Variants in USP33 observed in about 807,000 individuals in gnomAD.
USP33 encodes the protein ubiquitin specific peptidase 33.
USP33 carries 46 observed loss-of-function variants against 124.2 expected under a neutral mutation model. The ratio of observed to expected loss-of-function variants is 0.37; its 90% confidence interval spans 0.29 to 0.47. The LOEUF is 0.47. Ranked by LOEUF, USP33 falls within the 20% of genes least tolerant of loss-of-function variation. The probability of loss-of-function intolerance (pLI) is 0.99; values close to 1 mark genes in which losing one functional copy is unlikely to be tolerated. For missense variants in USP33, 851 were observed against 1,070.6 expected (o/e 0.79, Z 2.86); for synonymous variants, 350 against 352.3 (o/e 0.99, Z 0.07).
intron 1 of USP33, 135 bp from the exon 2 acceptor site, chr1:77,741,883 C>A: frequency 2.3e-6 from 2 of 879,552 alleles, no homozygotes; most frequent in Admixed American, 3.8e-5. Context: ...TATAAGTTTG[C>A]CCTGTAAAAA....
chr1:77,733,703 C>T (rs1678106531), intron 7 of USP33, among the ~76,000 whole-genome samples: 1 of 152,096 alleles, frequency 6.6e-6, no homozygotes, highest in African/African-American at 2.4e-5. Flanking sequence ...GAAAGCTCAA[C>T]CAGTAAGCAT....
chr1:77,741,257 TA>T, intron 3 of USP33, 118 bp downstream of exon 3: 1 of 1,002,952 alleles, frequency 1.0e-6, no homozygotes, highest in Non-Finnish European at 1.4e-6. Flanking sequence ...AATGACCTTT[TA>T]AAAGCAAGTT....
Position 77,698,893 on chromosome 1 carries a change from A to G in USP33, c.2510-962T>C, listed in dbSNP as rs558399985. The stretch of plus-strand genomic sequence containing the variant: ...GCAATTCCTTTGTAATTTGAAAGAA[A>G]TTATACAATTAATTTGCTTCAGATT... On this transcript the variant is annotated intron_variant, in intron 22 of 23. Transcript: ENST00000370794. Among the ~76,000 whole-genome samples, 29 of 152,350 alleles carry G rather than the reference A, an allele frequency of 1.9e-4. 1 individual carries two copies. The South Asian group carries it at 5.8e-3, about 30-fold the overall frequency.
At chr1:77,737,713 G>C (rs1172411713) in intron 5 of USP33, among the ~76,000 whole-genome samples, 3 of 152,166 alleles carry the variant, frequency 2.0e-5, no homozygotes, top group Admixed American at 6.5e-5. Flanking sequence ...CATCAGGAAA[G>C]TATCAGTATA....
chr1:77,731,644 T>C (rs1677826616), intron 7 of USP33, among the ~76,000 whole-genome samples: 1 of 152,004 alleles, frequency 6.6e-6, no homozygotes, highest in Non-Finnish European at 1.5e-5. Flanking sequence ...CCCAAAGTGC[T>C]ACAGGCATGA....
At chr1:77,708,225 T>C (rs1674846526) in intron 21 of USP33, among the ~76,000 whole-genome samples, 1 of 152,208 alleles carries the variant, frequency 6.6e-6, no homozygotes, top group African/African-American at 2.4e-5. Context: ...CAAGCCTACA[T>C]TTTGCAGGAT....
intron 21 of USP33, among the ~76,000 whole-genome samples, chr1:77,705,360 A>G (rs1468818473): frequency 1.3e-5 from 2 of 151,704 alleles, no homozygotes; most frequent in East Asian, 3.9e-4. Context: ...ATGCCTGGCT[A>G]ATTTTTGTAT....
At chr1:77,703,143 T>C (rs1199284393) in intron 21 of USP33, among the ~76,000 whole-genome samples, 1 of 152,212 alleles carries the variant, frequency 6.6e-6, no homozygotes, top group African/African-American at 2.4e-5. Flanking sequence ...TCTTTCTTCC[T>C]CATTTTTCAC....
intron 21 of USP33, 171 bp downstream of exon 21, chr1:77,711,576 C>T: frequency 9.6e-7 from 1 of 1,047,014 alleles, no homozygotes; most frequent in Non-Finnish European, 1.3e-6. Context: ...GAGAACATAA[C>T]TCAACAGAAC....
chr1:77,731,279 T>C (rs554693838), intron 7 of USP33, among the ~76,000 whole-genome samples: 98 of 152,346 alleles, frequency 6.4e-4, no homozygotes, highest in Middle Eastern at 3.4e-3. Flanking sequence ...AGGATAAAAA[T>C]TTAACTTTCA....
chr1:77,714,975 C>T, intron 18 of USP33, 192 bp from the exon 19 acceptor site: 1 of 540,378 alleles, frequency 1.9e-6, no homozygotes, highest in African/African-American at 2.0e-5. Context: ...CTGTATCTTA[C>T]CTACAGGTAT....
At chr1:77,704,930 C>T (rs1414945697) in intron 21 of USP33, among the ~76,000 whole-genome samples, 1 of 152,096 alleles carries the variant, frequency 6.6e-6, no homozygotes, top group Non-Finnish European at 1.5e-5. Context: ...ATGCTAAGGT[C>T]ATCATCCGTA....
chr1:77,727,790 CTTTCA>C (rs1677328489), intron 10 of USP33, among the ~76,000 whole-genome samples: 1 of 152,146 alleles, frequency 6.6e-6, no homozygotes, highest in Non-Finnish European at 1.5e-5. Context: ...AGCAATTCAA[CTTTCA>C]TTTGGCCACA....
intron 19 of USP33, among the ~76,000 whole-genome samples, chr1:77,713,891 T>C (rs1209189840): frequency 6.6e-6 from 1 of 152,208 alleles, no homozygotes; most frequent in Non-Finnish European, 1.5e-5. Flanking sequence ...AGAACGGTAA[T>C]TATAAAGCAT....
rs775961082 is a variant in USP33 at position 77,721,820 on chromosome 1, A to T, written c.1657+11T>A. ...CTACAAAAATTTAGCCATAGATATT[A>T]TATTTCTTACCTTTTAGTTCATCTC... On this transcript the variant is annotated intron_variant, in intron 14 of 23. Coordinates refer to ENST00000370794, the MANE Select transcript of USP33 (RefSeq NM_201624.3). 6.3e-7 allele frequency: 1 copy of T among 1,599,062 alleles called. No homozygotes were observed.
intron 17 of USP33, among the ~76,000 whole-genome samples, chr1:77,717,271 C>T (rs936465998): frequency 2.6e-5 from 4 of 152,024 alleles, no homozygotes; most frequent in Non-Finnish European, 4.4e-5. Flanking sequence ...GGGCAGATCA[C>T]GAGGTCAGGA....
Position 77,714,747 on chromosome 1 carries a change from C to T in USP33, c.2082G>A (p.Arg694=). 3.1e-6 allele frequency: 5 copies of T among 1,612,370 alleles called. No individual in the cohort carries two copies. The highest frequency in any genetic ancestry group is 4.2e-6 in the Non-Finnish European group (5 of 1,179,896). The change falls in exon 19 of 24, where the codon AGG becomes AGA. Residue 694 remains arginine, a synonymous_variant. Coordinates refer to ENST00000370794, the MANE Select transcript of USP33 (RefSeq NM_201624.3). ...SSEEAQKERR[R]ISNLLNIMEP... is the part of the protein sequence containing the mutation. ...CCATTATGTTCAATAAATTTGATAT[C>T]CTTCTCCTCTCTTTTTGTGCCTCTT...
intron 21 of USP33, among the ~76,000 whole-genome samples, chr1:77,705,110 C>T (rs1331172429): frequency 1.8e-5 from 2 of 110,920 alleles, no homozygotes; most frequent in African/African-American, 9.3e-5. Flanking sequence ...AACACAAATG[C>T]TTTGTTTAAA....
chr1:77,708,948 A>G (rs1674935094), intron 21 of USP33, among the ~76,000 whole-genome samples: 1 of 152,008 alleles, frequency 6.6e-6, no homozygotes, highest in Admixed American at 6.6e-5. Flanking sequence ...CGCCTCCTGA[A>G]TATCTGGAAC....
Sources: allele counts gnomAD v4.1 joint callset (sites outside exome capture counted in the v4.1 genomes callset), GRCh38; gene constraint gnomAD v4.1.1; transcripts MANE v1.5; gene names NCBI Gene and HGNC (gene_info 2026-07-23, HGNC 2026-07-21).